TACC1: variants seen among roughly 807,000 people sequenced by gnomAD.
The protein encoded by TACC1 is transforming acidic coiled-coil-containing protein 1.
In TACC1, 48 loss-of-function variants were observed where a neutral mutation model predicts 84.4. The ratio of observed to expected loss-of-function variants is 0.57; its 90% CI spans 0.45 to 0.72. The LOEUF (loss-of-function observed/expected upper bound fraction) is 0.72, where lower values mean the gene tolerates loss of function less well. Ranked by LOEUF, TACC1 falls within the 30% of genes least tolerant of loss-of-function variation. The pLI, the probability that TACC1 is intolerant of heterozygous loss-of-function variation, is 0.00. For synonymous variants in TACC1, 372 were observed against 376.3 expected (o/e 0.99, Z 0.13); for missense variants, 920 against 973.0 (o/e 0.95, Z 0.72).
Position 38,789,074 on chromosome 8 carries a change from TA to T in TACC1, c.277+262del, listed in dbSNP as rs376221641. On this transcript the variant is annotated intron_variant, in intron 2 of 12. Transcript: ENST00000317827. The stretch of plus-strand genomic sequence containing the variant: ...CTACTAGGCCTTTCTCCTCAGCCCC[TA>T]AAAAAATATGTATAGTAATGAAGTA... 2.4e-3 allele frequency among the ~76,000 whole-genome samples: 359 copies of T among 152,230 alleles called. 6 individuals are homozygous for T. Among genetic ancestry groups the T allele is most frequent in the African/African-American group, 7.8e-3 (323 of 41,526 alleles).
At chr8:38,777,113 G>A (rs1230755337) in intron 3 of TACC1, among the ~76,000 whole-genome samples, 2 of 152,032 alleles carry the variant, frequency 1.3e-5, no homozygotes, top group Non-Finnish European at 2.9e-5. Context: ...AAAATCAGCT[G>A]GGTGTGGTGG....
intron 3 of TACC1, among the ~76,000 whole-genome samples, chr8:38,772,418 TG>T (rs1344230367): frequency 6.6e-6 from 1 of 152,270 alleles, no homozygotes; most frequent in East Asian, 1.9e-4. Flanking sequence ...TGCATATGCA[TG>T]GGATTGCTCA....
At chr8:38,827,727 G>T in intron 5 of TACC1, 1 of 255,202 alleles carries the variant, frequency 3.9e-6, no homozygotes, top group South Asian at 4.7e-5. Context: ...TAATTTATAG[G>T]AAAAAGAGGT....
chr8:38,753,905 T>TTTTCTTTCTTTC lies in TACC1; in HGVS notation c.26+8427_26+8438dup, dbSNP rs9298641. ...AGGCTTCACTCTTTCCTCTTTTTCT[T>TTTTCTTTCTTTC]TTTCTTTCTTTCTTTCTTTCTTTCT... is the stretch of plus-strand genomic sequence containing the variant. On this transcript the variant is annotated intron_variant, in intron 3 of 14. Coordinates refer to the TACC1 transcript ENST00000518415. Among the ~76,000 whole-genome samples the TTTTCTTTCTTTC allele has an allele frequency of 3.3e-4, 41 of 124,602 alleles. 2 individuals are homozygous for TTTTCTTTCTTTC. The highest frequency in any genetic ancestry group is 1.0e-3 in the African/African-American group (33 of 32,878). 81.7% of individuals were successfully genotyped at this position (124,602 alleles called of 152,430 possible).
At chr8:38,785,553 C>A (rs939917947), upstream of TACC1, 3 of 324,142 alleles carry the variant, frequency 9.3e-6, no homozygotes, top group African/African-American at 2.3e-5. Context: ...ATGGGGAGTG[C>A]GGGAACTATG....
At chr8:38,799,925 T>C (rs765503771) in intron 2 of TACC1, 1 of 152,402 alleles carries the variant, frequency 6.6e-6, no homozygotes, top group African/African-American at 2.4e-5. Flanking sequence ...CCCAGCACTT[T>C]GGGAGGCCAA....
intron 1 of TACC1, among the ~76,000 whole-genome samples, chr8:38,734,222 T>C (rs1375904722): frequency 2.0e-5 from 3 of 152,202 alleles, no homozygotes; most frequent in Non-Finnish European, 1.5e-5. Context: ...AGACAGAGTC[T>C]TGCTCTGTCA....
In TACC1 at chr8:38,820,351, C is replaced by G. The variant is rs370505992; in HGVS notation, c.1107C>G (p.Asp369Glu). The change falls in exon 3 of 13, where the codon GAC (aspartate) becomes GAG (glutamate). Residue 369 changes from aspartate (D) to glutamate (E), a missense_variant. Asp to Glu is a conservative substitution (Grantham distance 45). Around this residue, in one of 2 missense-constraint regions of TACC1, gnomAD observed 762 missense variants for 747.3 expected, o/e 1.02. Transcript: ENST00000317827. The part of the protein sequence containing the change: ...SKSAGLEQPT[D>E]PVARDGPLSQ... Reference sequence around the variant, plus strand: ...CAGCAGGTTTAGAACAGCCTACAGACCCAGTGGCACGAGACGGGCCTCTCT... The same window carrying G: ...CAGCAGGTTTAGAACAGCCTACAGAGCCAGTGGCACGAGACGGGCCTCTCT... 5.6e-6 allele frequency: 9 copies of G among 1,614,056 alleles called. No homozygotes were observed. The highest frequency in any genetic ancestry group is 7.6e-6 in the Non-Finnish European group (9 of 1,180,032).
chr8:38,766,213 C>G (rs894513146), intron 3 of TACC1, among the ~76,000 whole-genome samples: 3 of 152,106 alleles, frequency 2.0e-5, no homozygotes, highest in African/African-American at 7.2e-5. Context: ...TGCTTCATTC[C>G]CAGAACACTT....
At chr8:38,819,474 C>T (rs1372798144) in intron 2 of TACC1, 48 bp from the exon 3 acceptor site, 3 of 1,546,832 alleles carry the variant, frequency 1.9e-6, no homozygotes, top group African/African-American at 2.8e-5. Context: ...AGGATACTTA[C>T]CAGTGACAGA....
intron 3 of TACC1, among the ~76,000 whole-genome samples, chr8:38,770,953 C>T (rs557728173): frequency 6.6e-6 from 1 of 152,244 alleles, no homozygotes; most frequent in Admixed American, 6.5e-5. Context: ...CCATTCCTGG[C>T]ACCCACCAGC....
At position 38,820,585 on chromosome 8, in the gene TACC1, C is replaced by T. The variant is rs772628048; in HGVS notation, c.1341C>T (p.His447=). 2.4e-5 allele frequency: 39 copies of T among 1,613,050 alleles called. No homozygotes were observed. Among genetic ancestry groups the T allele is most frequent in the Middle Eastern group, 1.6e-4 (1 of 6,084 alleles). ...SSDFCSPTGN[H]VNEILESPKK... is the part of the protein sequence containing the mutation. ...ACTTTTGTTCTCCCACTGGTAATCA[C>T]GTTAATGAAATCTTAGAATCACCCA... The change falls in exon 3 of 13, where the codon CAC becomes CAT. Residue 447 remains histidine, a synonymous_variant. Transcript: ENST00000317827.
chr8:38,757,087 C>T (rs1810196234), intron 3 of TACC1, among the ~76,000 whole-genome samples: 2 of 152,180 alleles, frequency 1.3e-5, no homozygotes, highest in African/African-American at 4.8e-5. Flanking sequence ...CCCGCACGCC[C>T]CAGGGGCTCC....
chr8:38,830,903 C>G lies in TACC1; in HGVS notation c.1661-222C>G, dbSNP rs186755334. ...GCTGTTCTTTCAGCCTGAAGGCTGA[C>G]GACCTGTTTGTGGCTGACTAACCAT... On this transcript the variant is annotated intron_variant, in intron 5 of 12. Coordinates refer to ENST00000317827, the MANE Select transcript of TACC1 (RefSeq NM_006283.3). Among the ~76,000 whole-genome samples, 4 of 152,204 alleles carry G rather than the reference C, an allele frequency of 2.6e-5. No homozygotes were observed. In the East Asian group the frequency reaches 7.7e-4, roughly 29 times the overall value.
At chr8:38,824,028 A>G (rs1465470378) in intron 3 of TACC1, 2 of 1,351,870 alleles carry the variant, frequency 1.5e-6, no homozygotes, top group Admixed American at 1.9e-5. Flanking sequence ...TTTCTGTTGT[A>G]AGTACTCCTG....
intron 3 of TACC1, chr8:38,824,776 C>G (rs1231832090): frequency 6.5e-6 from 1 of 153,918 alleles, no homozygotes; most frequent in Non-Finnish European, 1.4e-5. Context: ...ACAGTTTACT[C>G]ACATATTTTT....
intron 1 of TACC1, among the ~76,000 whole-genome samples, chr8:38,742,029 C>T (rs551926652): frequency 2.3e-4 from 35 of 152,302 alleles, no homozygotes; most frequent in African/African-American, 8.2e-4. Flanking sequence ...TCTGAAAATA[C>T]AGACTGACAC....
intron 1 of TACC1, chr8:38,788,025 AC>A: frequency 2.3e-6 from 1 of 425,946 alleles, no homozygotes; most frequent in Non-Finnish European, 4.2e-6. Context: ...CTAAGCTTCG[AC>A]CCCCAGCCCC....
chr8:38,836,081 A>G, intron 6 of TACC1, 81 bp from the exon 7 acceptor site: 1 of 1,568,540 alleles, frequency 6.4e-7, no homozygotes, highest in South Asian at 1.1e-5. Flanking sequence ...TGATCAATTT[A>G]GTAATGAGGA....
Sources: allele counts gnomAD v4.1 joint callset (sites outside exome capture counted in the v4.1 genomes callset), GRCh38; gene constraint gnomAD v4.1.1; regional missense constraint gnomAD v4.1.1; transcripts MANE v1.5; gene names NCBI Gene and HGNC (gene_info 2026-07-23, HGNC 2026-07-21).